The following DPP6 variants were observed in gnomAD, a reference collection of about 807,000 sequenced individuals.
The protein encoded by DPP6 is dipeptidyl peptidase like 6.
In DPP6, 69 loss-of-function variants were observed where a neutral mutation model predicts 122.6. The observed-to-expected ratio is 0.56, with a 90% CI of 0.46 to 0.69. The LOEUF (loss-of-function observed/expected upper bound fraction) is 0.69, where lower values mean the gene tolerates loss of function less well. Among genes scored for constraint, DPP6 ranks in the 30% least tolerant of loss-of-function variants. The probability of loss-of-function intolerance (pLI) is 0.00; values close to 1 mark genes in which losing one functional copy is unlikely to be tolerated. For synonymous variants in DPP6, 418 were observed against 433.1 expected (o/e 0.97, Z 0.43); for missense variants, 928 against 1,116.9 (o/e 0.83, Z 2.41).
chr7:154,073,955 C>T (rs1354337796), intron 1 of DPP6, among the ~76,000 whole-genome samples: 1 of 152,208 alleles, frequency 6.6e-6, no homozygotes, highest in African/African-American at 2.4e-5. Context: ...CACTGCACTC[C>T]AGCCTGGGCA....
intron 7 of DPP6, among the ~76,000 whole-genome samples, chr7:154,695,981 A>G (rs1221801898): frequency 6.6e-6 from 1 of 152,130 alleles, no homozygotes; most frequent in African/African-American, 2.4e-5. Context: ...CACCTGAGAA[A>G]GGGCCCAAAA....
At chr7:154,814,599 C>T (rs902083796) in intron 16 of DPP6, among the ~76,000 whole-genome samples, 1 of 152,190 alleles carries the variant, frequency 6.6e-6, no homozygotes, top group African/African-American at 2.4e-5. Flanking sequence ...CTCCTGGACT[C>T]ATCTTCTAGG....
chr7:154,630,301 G>A (rs1835327409), intron 5 of DPP6, among the ~76,000 whole-genome samples: 2 of 152,312 alleles, frequency 1.3e-5, no homozygotes, highest in African/African-American at 4.8e-5. Flanking sequence ...CCAGACAGGG[G>A]CAACTTTGGC....
At chr7:153,870,336 GGA>G in the DPP6 span, among the ~76,000 whole-genome samples, 2 of 152,160 alleles carry the variant, frequency 1.3e-5, no homozygotes, top group African/African-American at 4.8e-5. Flanking sequence ...ATTTCTTGGA[GGA>G]CTTGTTTGTT....
Position 154,751,541 on chromosome 7 carries a change from T to C in DPP6, c.884-17876T>C, listed in dbSNP as rs551042176. On this transcript the variant is annotated intron_variant, in intron 8 of 25. Coordinates refer to ENST00000377770, the MANE Select transcript of DPP6 (RefSeq NM_130797.4). ...GGAAGAATCGCTTGAACCCAGGAGG[T>C]GGAGGTTGCAATGAGCTGAGATCGT... 9.0e-5 allele frequency among the ~76,000 whole-genome samples: 12 copies of C among 133,974 alleles called. 1 individual carries two copies. The South Asian group carries it at 2.9e-3, about 32-fold the overall frequency. 87.9% of individuals were successfully genotyped at this position (133,974 alleles called of 152,430 possible).
chr7:154,183,371 CAG>C (rs1012916825), intron 1 of DPP6, among the ~76,000 whole-genome samples: 1 of 152,196 alleles, frequency 6.6e-6, no homozygotes, highest in Non-Finnish European at 1.5e-5. Context: ...CAATGAAAAA[CAG>C]AAGGTGCCTG....
intron 7 of DPP6, among the ~76,000 whole-genome samples, chr7:154,707,476 TACTC>T (rs569433281): frequency 5.1e-4 from 78 of 152,266 alleles, no homozygotes; most frequent in African/African-American, 1.9e-3. Flanking sequence ...AAATATGAAA[TACTC>T]ACTCAGAATA....
At chr7:154,683,447 A>G (rs967576062) in intron 7 of DPP6, among the ~76,000 whole-genome samples, 1 of 152,120 alleles carries the variant, frequency 6.6e-6, no homozygotes, top group Non-Finnish European at 1.5e-5. Context: ...TATACATTTT[A>G]TGAATTCTGC....
intron 1 of DPP6, among the ~76,000 whole-genome samples, chr7:154,008,419 C>T (rs1285118211): frequency 6.6e-6 from 1 of 152,254 alleles, no homozygotes; most frequent in Non-Finnish European, 1.5e-5. Flanking sequence ...TGCTGTATTA[C>T]CACAGGGACT....
intron 1 of DPP6, among the ~76,000 whole-genome samples, chr7:154,363,851 TG>T (rs1162974580): frequency 1.3e-5 from 2 of 152,240 alleles, no homozygotes; most frequent in East Asian, 3.8e-4. Flanking sequence ...TGTTTTAAAC[TG>T]TAGCCATCTG....
intron 1 of DPP6, among the ~76,000 whole-genome samples, chr7:154,111,778 A>G (rs1434783833): frequency 3.3e-5 from 5 of 152,162 alleles, no homozygotes; most frequent in Non-Finnish European, 5.9e-5. Flanking sequence ...ATCTGCACAC[A>G]GTGTCTTGAT....
chr7:154,533,057 A>G (rs1485520982), intron 3 of DPP6, among the ~76,000 whole-genome samples: 1 of 152,330 alleles, frequency 6.6e-6, no homozygotes, highest in East Asian at 1.9e-4. Flanking sequence ...TAAGTTCCCC[A>G]TTTATTACCA....
chr7:154,023,318 G>GCACACACACA (rs1554436897), intron 1 of DPP6, among the ~76,000 whole-genome samples: 5,544 of 129,458 alleles, frequency 0.043, 180 homozygotes, highest in East Asian at 0.064. Context: ...TTTCTTGTCT[G>GCACACACACA]CACACACACA....
intron 1 of DPP6, among the ~76,000 whole-genome samples, chr7:154,128,801 ACT>A (rs1357286214): frequency 2.0e-5 from 3 of 149,674 alleles, no homozygotes; most frequent in African/African-American, 7.3e-5. Context: ...CTTAGCAGGG[ACT>A]CAAATCTGAT....
At position 154,282,403 on chromosome 7, in the gene DPP6, C is replaced by T. The variant is rs753370338; in HGVS notation, c.244-163811C>T. On this transcript the variant is annotated intron_variant, in intron 1 of 25. Transcript: ENST00000377770. The surrounding 1 kb of genome is among the most constrained non-coding windows in gnomAD (Gnocchi z 4.8). ...GTTAACTGAGCAGAGGCAGCCGTAC[C>T]TGGGGTGCTGATTAGCACTGTGCAA... Among the ~76,000 whole-genome samples the T allele has an allele frequency of 4.6e-5, 7 of 152,158 alleles. No homozygotes were observed. Among genetic ancestry groups the T allele is most frequent in the Non-Finnish European group, 1.0e-4 (7 of 68,036 alleles).
intron 16 of DPP6, among the ~76,000 whole-genome samples, chr7:154,814,996 G>A (rs373157305): frequency 1.3e-5 from 2 of 152,258 alleles, no homozygotes; most frequent in East Asian, 3.9e-4. Context: ...CACAGGAACC[G>A]AGGGTCAGGA....
intron 1 of DPP6, among the ~76,000 whole-genome samples, chr7:154,342,284 T>C (rs2151062933): frequency 6.6e-6 from 1 of 152,290 alleles, no homozygotes; most frequent in East Asian, 1.9e-4. Flanking sequence ...GCCTCTGAAT[T>C]GGCCTACTAA....
rs868131240 is a variant in DPP6 at position 154,618,040 on chromosome 7, G to C, written c.628-19781G>C. Among the ~76,000 whole-genome samples the C allele has an allele frequency of 6.6e-6, 1 of 152,222 alleles. No individual in the cohort carries two copies. Among genetic ancestry groups the C allele is most frequent in the South Asian group, 2.1e-4 (1 of 4,812 alleles). On this transcript the variant is annotated intron_variant, in intron 5 of 25. Coordinates refer to ENST00000377770, the MANE Select transcript of DPP6 (RefSeq NM_130797.4). The surrounding 1 kb of genome is among the most constrained non-coding windows in gnomAD (Gnocchi z 4.1). ...TGCAAAGGCCTCAGTTTCTCTCTTGGTCTCTCCCACAATGCTGTCTGCTCA... is the reference window on the plus strand; with the variant it reads ...TGCAAAGGCCTCAGTTTCTCTCTTGCTCTCTCCCACAATGCTGTCTGCTCA...
At chr7:154,687,117 G>A (rs147768868) in intron 7 of DPP6, among the ~76,000 whole-genome samples, 1 of 151,990 alleles carries the variant, frequency 6.6e-6, no homozygotes, top group South Asian at 2.1e-4. Context: ...TGTCTGTCTT[G>A]TCACTATACA....
Sources: allele counts gnomAD v4.1 joint callset (sites outside exome capture counted in the v4.1 genomes callset), GRCh38; gene constraint gnomAD v4.1.1; non-coding constraint Gnocchi (gnomAD v3.1); transcripts MANE v1.5; gene names NCBI Gene and HGNC (gene_info 2026-07-23, HGNC 2026-07-21).